The following KIRREL3 variants were observed in gnomAD, a reference collection of about 807,000 sequenced individuals.
KIRREL3 encodes kirre like nephrin family adhesion molecule 3.
A neutral mutation model predicts 89.7 loss-of-function variants in KIRREL3; 36 were observed. The observed-to-expected ratio is 0.40, with a 90% confidence interval of 0.31 to 0.53. The LOEUF is 0.53. KIRREL3 is among the 20% of genes least tolerant of loss of function. KIRREL3 has a pLI of 0.49. For synonymous variants in KIRREL3, 445 were observed against 441.4 expected (o/e 1.01, Z -0.10); for missense variants, 864 against 1,056.6 (o/e 0.82, Z 2.53).
At chr11:126,546,634 A>G (rs1938834972) in intron 2 of KIRREL3, among the ~76,000 whole-genome samples, 1 of 152,214 alleles carries the variant, frequency 6.6e-6, no homozygotes. Context: ...CATCATAAAT[A>G]TGGATGAAGA....
At chr11:126,672,795 C>T (rs1946015087) in intron 1 of KIRREL3, among the ~76,000 whole-genome samples, 1 of 152,126 alleles carries the variant, frequency 6.6e-6, no homozygotes, top group East Asian at 1.9e-4. Context: ...TCTTCTATGT[C>T]CAGTGAGTTC....
chr11:126,923,020 T>C (rs902674061), intron 1 of KIRREL3, among the ~76,000 whole-genome samples: 1 of 152,234 alleles, frequency 6.6e-6, no homozygotes, highest in Non-Finnish European at 1.5e-5. Context: ...CTGGCTCCCA[T>C]GGCAGCATGC....
rs983845569 is a variant in KIRREL3 at position 126,441,523 on chromosome 11, G to C, written c.1253-974C>G. 5.3e-5 allele frequency among the ~76,000 whole-genome samples: 8 copies of C among 152,208 alleles called. No homozygotes were observed. The highest frequency in any genetic ancestry group is 1.9e-4 in the African/African-American group (8 of 41,442). ...TGGGTGGTTGAAGGATGGGAGTAGG[G>C]ACGGAAACTGTCATGCTCCCTTTCC... On this transcript the variant is annotated intron_variant, in intron 10 of 16. Transcript: ENST00000525144. This position sits in a 1 kb window ranked among gnomAD's most constrained non-coding sequence, Gnocchi z 5.0.
Position 126,734,004 on chromosome 11 carries a change from C to T in KIRREL3, c.56-171092G>A, listed in dbSNP as rs982165449. ...CAACTTCAGGTGAGGTGGGAAGCAG[C>T]CCAGAAGAGGTCAGCGTCTGCCTCT... On this transcript the variant is annotated intron_variant, in intron 1 of 16. Transcript: ENST00000525144. The surrounding 1 kb of genome is among the most constrained non-coding windows in gnomAD (Gnocchi z 5.9). Among the ~76,000 whole-genome samples the T allele has an allele frequency of 2.0e-5, 3 of 152,168 alleles. No homozygotes were observed. Among genetic ancestry groups the T allele is most frequent in the African/African-American group, 7.2e-5 (3 of 41,438 alleles).
intron 1 of KIRREL3, among the ~76,000 whole-genome samples, chr11:126,949,854 C>T (rs1459083212): frequency 6.6e-6 from 1 of 152,220 alleles, no homozygotes; most frequent in Admixed American, 6.5e-5. Context: ...ATACACAACA[C>T]AGCCCTTTCC....
chr11:126,815,544 A>AT (rs1951536333), intron 1 of KIRREL3, among the ~76,000 whole-genome samples: 1 of 152,004 alleles, frequency 6.6e-6, no homozygotes, highest in African/African-American at 2.4e-5. Flanking sequence ...TTATTTATTT[A>AT]TTTTTTTGAG....
intron 1 of KIRREL3, among the ~76,000 whole-genome samples, chr11:126,743,312 T>A (rs10437704): frequency 0.97 from 148,494 of 152,308 alleles, 72,426 homozygotes; most frequent in East Asian, 1. Context: ...TTAGTCTATC[T>A]ACAGGTGCTG....
intron 1 of KIRREL3, among the ~76,000 whole-genome samples, chr11:126,816,900 G>A (rs1951591620): frequency 6.6e-6 from 1 of 152,184 alleles, no homozygotes; most frequent in Non-Finnish European, 1.5e-5. Flanking sequence ...CATTAGCACA[G>A]CACTGCTTCT....
At chr11:126,972,720 AC>A (rs1167250948) in intron 1 of KIRREL3, among the ~76,000 whole-genome samples, 1 of 152,088 alleles carries the variant, frequency 6.6e-6, no homozygotes, top group Non-Finnish European at 1.5e-5. Context: ...CCTGCCTGAC[AC>A]CGTGTCCGTA....
rs117477131 is a variant in KIRREL3, at chr11:126,468,990, C to T, written c.591+4319G>A. Among the ~76,000 whole-genome samples the T allele has an allele frequency of 5.3e-3, 802 of 152,234 alleles. 5 individuals are homozygous for T. The highest frequency in any genetic ancestry group is 8.2e-3 in the Non-Finnish European group (560 of 67,976). Reference sequence around the variant, plus strand: ...TCCATAGTGGGGTGGACCTTGCAGCCGTGTGGATCCAGTGAGGGGGTGACA... The same window carrying T: ...TCCATAGTGGGGTGGACCTTGCAGCTGTGTGGATCCAGTGAGGGGGTGACA... On this transcript the variant is annotated intron_variant, in intron 5 of 16. Coordinates refer to ENST00000525144, the MANE Select transcript of KIRREL3 (RefSeq NM_032531.4).
chr11:126,572,921 C>T (rs180702858), intron 1 of KIRREL3, among the ~76,000 whole-genome samples: 2 of 152,322 alleles, frequency 1.3e-5, no homozygotes, highest in Admixed American at 1.3e-4. Context: ...GCAGTCATGT[C>T]CAGCCCCTGC....
chr11:126,635,463 C>T lies in KIRREL3; in HGVS notation c.56-72551G>A, dbSNP rs531054324. Among the ~76,000 whole-genome samples the T allele has an allele frequency of 6.6e-6, 1 of 152,176 alleles. No homozygotes were observed. The highest frequency in any genetic ancestry group is 2.4e-5 in the African/African-American group (1 of 41,436). On this transcript the variant is annotated intron_variant, in intron 1 of 16. Coordinates refer to ENST00000525144, the MANE Select transcript of KIRREL3 (RefSeq NM_032531.4). This position sits in a 1 kb window ranked among gnomAD's most constrained non-coding sequence, Gnocchi z 4.0. ...TTGGCTGGCTCCAAGGCCCTCAGCA[C>T]CTCTGGGCTTCTGAGCCATGGGAGA... is the stretch of plus-strand genomic sequence containing the variant.
chr11:126,787,225 C>A (rs1317280392), intron 1 of KIRREL3, among the ~76,000 whole-genome samples: 1 of 152,172 alleles, frequency 6.6e-6, no homozygotes, highest in Non-Finnish European at 1.5e-5. Flanking sequence ...GATGTATTTT[C>A]TCTTCCCCTA....
intron 1 of KIRREL3, among the ~76,000 whole-genome samples, chr11:126,963,580 C>A (rs928940583): frequency 6.6e-6 from 1 of 152,134 alleles, no homozygotes; most frequent in African/African-American, 2.4e-5. Flanking sequence ...ATATGGAAAG[C>A]AATTAAGTTC....
At chr11:126,728,698 T>C (rs1423174620) in intron 1 of KIRREL3, among the ~76,000 whole-genome samples, 1 of 152,164 alleles carries the variant, frequency 6.6e-6, no homozygotes, top group Admixed American at 6.5e-5. Context: ...CCCTGAGTAC[T>C]TGTCAGTGGA....
At chr11:126,852,049 C>CTTTTTTT in intron 1 of KIRREL3, among the ~76,000 whole-genome samples, 1 of 103,624 alleles carries the variant, frequency 9.7e-6, no homozygotes, top group Non-Finnish European at 1.9e-5. Flanking sequence ...GGGCTATAAC[C>CTTTTTTT]TTTTTTTTTT....
At chr11:126,593,739 A>G (rs918759954) in intron 1 of KIRREL3, among the ~76,000 whole-genome samples, 1 of 152,286 alleles carries the variant, frequency 6.6e-6, no homozygotes, top group Admixed American at 6.5e-5. Context: ...CCTTAGGGAG[A>G]GAGAACATTC....
chr11:126,727,696 A>T (rs1210159271), intron 1 of KIRREL3, among the ~76,000 whole-genome samples: 1 of 152,058 alleles, frequency 6.6e-6, no homozygotes, highest in African/African-American at 2.4e-5. Context: ...GGAGAATTCG[A>T]TTTTCTTCCC....
At chr11:126,738,333 G>T (rs914519361) in intron 1 of KIRREL3, among the ~76,000 whole-genome samples, 1 of 152,030 alleles carries the variant, frequency 6.6e-6, no homozygotes, top group Non-Finnish European at 1.5e-5. Flanking sequence ...GCAGGTGAGC[G>T]CTCTCTTGCT....
Sources: gnomAD v4.1 joint callset for allele counts (sites outside exome capture counted in the v4.1 genomes callset) on GRCh38, gnomAD v4.1.1 for gene constraint, Gnocchi (gnomAD v3.1) non-coding constraint, MANE v1.5 for transcripts, NCBI Gene and HGNC (gene_info 2026-07-23, HGNC 2026-07-21) for gene names.